The following NECAB2 variants were observed in gnomAD, a reference collection of about 807,000 sequenced individuals.
NECAB2 encodes the protein N-terminal EF-hand calcium-binding protein 2.
Under a neutral mutation model 51.9 loss-of-function variants are expected in NECAB2, and 68 were observed. The ratio of observed to expected loss-of-function variants is 1.31; its 90% CI spans 1.08 to 1.60. The LOEUF (loss-of-function observed/expected upper bound fraction) is 1.60. NECAB2 is among the 40% of genes most tolerant of loss of function. NECAB2 has a pLI of 0.00. For missense variants in NECAB2, 854 were observed against 490.3 expected (o/e 1.74, Z -7.00); for synonymous variants, 329 against 203.5 (o/e 1.62, Z -5.25).
rs2084810218 is a variant in NECAB2, at chr16:84,000,600, C to G, written c.963-124C>G. 63 of 706,642 alleles carry G rather than the reference C, an allele frequency of 8.9e-5. No individual in the cohort carries two copies. In the South Asian group the frequency reaches 1.0e-3, roughly 11 times the overall value. The allele number at this position is 706,642 out of a possible 1,614,324, so 43.8% of individuals were successfully genotyped here. A position where few individuals can be genotyped will look rare whatever the true frequency, so the allele number is the denominator to read the frequency against. Reference sequence around the variant, plus strand: ...TGTCGAGTCTCGATGGAGGTCAAGACAGGAAGAAACATTGAAGGCAGCCGT... The same window carrying G: ...TGTCGAGTCTCGATGGAGGTCAAGAGAGGAAGAAACATTGAAGGCAGCCGT... On this transcript the variant is annotated intron_variant, in intron 10 of 12. Coordinates refer to ENST00000305202, the MANE Select transcript of NECAB2 (RefSeq NM_019065.3).
rs377363850 is a variant in NECAB2 at position 83,997,278 on chromosome 16, C to A, written c.849+9C>A. ...AAGATGGCACCAACATGGTGAGGCC[C>A]CTTCCCACCTCTCTTCTGGGACCAC... On this transcript the variant is annotated intron_variant, in intron 9 of 12. Transcript: ENST00000305202. The A allele has an allele frequency of 9.3e-6, 15 of 1,613,910 alleles. No homozygotes were observed. Among genetic ancestry groups the A allele is most frequent in the East Asian group, 2.2e-5 (1 of 44,876 alleles).
At chr16:84,001,987 C>G (rs996834574) in intron 12 of NECAB2, 71 bp downstream of exon 12, 6 of 1,515,636 alleles carry the variant, frequency 4.0e-6, no homozygotes, top group Non-Finnish European at 5.4e-6. Flanking sequence ...AGAGGCTGCC[C>G]CATATCTCCC....
chr16:83,972,007 A>G, intron 1 of NECAB2, 144 bp from the exon 2 acceptor site: 1 of 1,067,772 alleles, frequency 9.4e-7, no homozygotes, highest in Non-Finnish European at 1.4e-6. Context: ...CAGCCCGGGG[A>G]GGGGGAGAGG....
intron 8 of NECAB2, 121 bp downstream of exon 8, chr16:83,994,809 AT>A (rs1189780900): frequency 2.6e-6 from 3 of 1,149,574 alleles, no homozygotes; most frequent in Non-Finnish European, 3.7e-6. Context: ...TGAAAAAGAC[AT>A]CCCCCAGGTG....
chr16:83,998,616 A>G (rs1322168771), intron 10 of NECAB2, among the ~76,000 whole-genome samples: 1 of 152,156 alleles, frequency 6.6e-6, no homozygotes, highest in Non-Finnish European at 1.5e-5. Context: ...GTGAATCTCA[A>G]GTGTGAAGGG....
intron 3 of NECAB2, among the ~76,000 whole-genome samples, chr16:83,979,152 C>G (rs1355503876): frequency 2.0e-5 from 3 of 152,190 alleles, no homozygotes; most frequent in African/African-American, 7.2e-5. Flanking sequence ...CCTTCCCAGC[C>G]TCACCTCCAA....
intron 5 of NECAB2, among the ~76,000 whole-genome samples, chr16:83,988,622 A>T (rs1218337973): frequency 6.6e-6 from 1 of 152,204 alleles, no homozygotes; most frequent in African/African-American, 2.4e-5. Flanking sequence ...AACTCTCTCT[A>T]ATTCAAGCCC....
At chr16:83,965,923 G>C (rs1403811349), upstream of NECAB2, 2 of 1,612,548 alleles carry the variant, frequency 1.2e-6, no homozygotes, top group South Asian at 1.1e-5. Context: ...CGCTGGCCGG[G>C]GACAACTTCG....
At chr16:83,990,695 C>G in intron 6 of NECAB2, 65 bp downstream of exon 6, 1 of 1,581,190 alleles carries the variant, frequency 6.3e-7, no homozygotes. Context: ...TGCCCACCTG[C>G]TGCTTGGTGG....
rs71148868 is a variant in NECAB2, at chr16:83,985,313, C to CAAAAAAAAAAAAAAAAAAAAAAAA, written c.459+4196_459+4219dup. ...GGACAACAAGAGCAAATCTCTGTCT[C>CAAAAAAAAAAAAAAAAAAAAAAAA]AAAAAAAAAAAAAAAAAAAAAAAAA... On this transcript the variant is annotated intron_variant, in intron 5 of 12. Transcript: ENST00000305202. Among the ~76,000 whole-genome samples the CAAAAAAAAAAAAAAAAAAAAAAAA allele has an allele frequency of 6.6e-5, 2 of 30,192 alleles. 1 individual carries two copies. Among genetic ancestry groups the CAAAAAAAAAAAAAAAAAAAAAAAA allele is most frequent in the African/African-American group, 1.4e-4 (2 of 13,900 alleles). The allele number at this position is 30,192 out of a possible 152,430, so 19.8% of individuals were successfully genotyped here. A position where few individuals can be genotyped will look rare whatever the true frequency, so the allele number is the denominator to read the frequency against.
At chr16:83,997,826 T>C (rs549431944) in intron 9 of NECAB2, among the ~76,000 whole-genome samples, 1 of 152,254 alleles carries the variant, frequency 6.6e-6, no homozygotes, top group Admixed American at 6.5e-5. Context: ...AAAAAAGGTT[T>C]GGCATAGAGC....
At position 84,002,434 on chromosome 16, in the gene NECAB2, C is replaced by A; in HGVS notation, c.*88C>A. On this transcript the variant is annotated 3_prime_UTR_variant, in exon 13 of 13. Coordinates refer to ENST00000305202, the MANE Select transcript of NECAB2 (RefSeq NM_019065.3). ...TTTTTTCTAGACAGACACTTTGGTG[C>A]AGAAGCTTCTTTTCAATCCATCCTC... 2 of 1,493,974 alleles carry A rather than the reference C, an allele frequency of 1.3e-6. No individual in the cohort carries two copies. The highest frequency in any genetic ancestry group is 1.7e-5 in the Admixed American group (1 of 59,594). The allele number at this position is 1,493,974 out of a possible 1,614,324, so 92.5% of individuals were successfully genotyped here.
intron 1 of NECAB2, among the ~76,000 whole-genome samples, chr16:83,969,607 C>G (rs1215600123): frequency 6.6e-6 from 1 of 152,106 alleles, no homozygotes; most frequent in African/African-American, 2.4e-5. Context: ...AATCACCCAT[C>G]TCTGGGAAGC....
intron 5 of NECAB2, among the ~76,000 whole-genome samples, chr16:83,985,020 CT>C (rs1230711985): frequency 2.0e-5 from 3 of 151,982 alleles, no homozygotes. Flanking sequence ...TTAAAATTTA[CT>C]TTTGATGGGG....
rs960923279 is a variant in NECAB2 at position 83,997,712 on chromosome 16, C to T, written c.849+443C>T. Among the ~76,000 whole-genome samples the T allele has an allele frequency of 2.6e-5, 4 of 151,882 alleles. No individual in the cohort carries two copies. The South Asian group carries it at 8.3e-4, about 32-fold the overall frequency. On this transcript the variant is annotated intron_variant, in intron 9 of 12. Transcript: ENST00000305202. Reference sequence around the variant, plus strand: ...GTTTCACCATGTTGGTCAGGCTGGTCTCAAACTCCTATCCTCATGATCTGC... The same window carrying T: ...GTTTCACCATGTTGGTCAGGCTGGTTTCAAACTCCTATCCTCATGATCTGC...
upstream of NECAB2, chr16:83,965,875 C>G: frequency 6.2e-7 from 1 of 1,612,906 alleles, no homozygotes; most frequent in Non-Finnish European, 8.5e-7. Flanking sequence ...CCTTCACCTA[C>G]CAGAGCACCC....
Position 83,991,601 on chromosome 16 carries a change from C to T in NECAB2, c.596+971C>T, listed in dbSNP as rs146648062. 3.6e-3 allele frequency among the ~76,000 whole-genome samples: 534 copies of T among 150,290 alleles called. 6 individuals are homozygous for T. Among genetic ancestry groups the T allele is most frequent in the African/African-American group, 0.012 (498 of 40,898 alleles). On this transcript the variant is annotated intron_variant, in intron 6 of 12. Transcript: ENST00000305202. ...AGGCTGGTCTTTAGGGTGATCCACC[C>T]GCCTCAGCCTCCAGGTGCTGGGATT...
At chr16:83,982,195 TC>T (rs2084497332) in intron 5 of NECAB2, among the ~76,000 whole-genome samples, 1 of 152,146 alleles carries the variant, frequency 6.6e-6, no homozygotes, top group Admixed American at 6.5e-5. Flanking sequence ...TGTGCAATTT[TC>T]CCATGCTTCT....
chr16:83,970,206 G>A (rs543766383), intron 1 of NECAB2, among the ~76,000 whole-genome samples: 1 of 152,148 alleles, frequency 6.6e-6, no homozygotes, highest in Non-Finnish European at 1.5e-5. Flanking sequence ...GATGAGCGGG[G>A]GGTGGGGCGG....
Sources: gnomAD v4.1 joint callset for allele counts (sites outside exome capture counted in the v4.1 genomes callset) on GRCh38, gnomAD v4.1.1 for gene constraint, MANE v1.5 for transcripts, NCBI Gene and HGNC (gene_info 2026-07-23, HGNC 2026-07-21) for gene names.